USF3: variants seen among roughly 807,000 people sequenced by gnomAD.
USF3 encodes the protein basic helix-loop-helix domain-containing protein USF3.
USF3 carries 29 observed loss-of-function variants against 157.5 expected under a neutral mutation model. The ratio of observed to expected loss-of-function variants is 0.18; its 90% CI spans 0.14 to 0.25. USF3 has a LOEUF of 0.25. USF3 is among the 10% of genes least tolerant of loss of function. The pLI, the probability that USF3 is intolerant of heterozygous loss-of-function variation, is 1.00. For missense variants in USF3, 2,381 were observed against 2,667.6 expected, an observed-to-expected ratio of 0.89 and a Z score of 2.37; for synonymous variants, 893 against 941.4, an observed-to-expected ratio of 0.95 and a Z score of 0.94.
At chr3:113,670,366 A>AG in intron 4 of USF3, 163 bp from the exon 5 acceptor site, 1 of 596,592 alleles carries the variant, frequency 1.7e-6, no homozygotes. Context: ...TGGGAGGCCA[A>AG]GGCGGGTGGA....
intron 2 of USF3, among the ~76,000 whole-genome samples, chr3:113,675,268 G>A (rs1008705981): frequency 1.3e-5 from 2 of 152,102 alleles, no homozygotes; most frequent in African/African-American, 4.8e-5. Context: ...TTGTTCATGT[G>A]AAGTGTTATA....
At position 113,655,182 on chromosome 3, in the gene USF3, G is replaced by C. The variant is rs1410025426; in HGVS notation, c.6500C>G (p.Pro2167Arg). 1 of 1,614,194 alleles carries C rather than the reference G, an allele frequency of 6.2e-7. No individual in the cohort carries two copies. The highest frequency in any genetic ancestry group is 8.5e-7 in the Non-Finnish European group (1 of 1,180,038). Residue 2167 changes from proline to arginine, a missense_variant, in exon 7 of 7, where the codon CCA (proline) becomes CGA (arginine). Physicochemically the swap from Pro to Arg is moderately radical, Grantham distance 103. Around this residue, in one of 6 missense-constraint regions of USF3, gnomAD observed 770 missense variants for 824.2 expected, o/e 0.93. Coordinates refer to ENST00000316407, the MANE Select transcript of USF3 (RefSeq NM_001009899.4). ...CATATCTGGGAGAAGAGGAAAACTT[G>C]GTTGAGCAAACCCAACAGGTCTGGG... ...SPPRPVGFAQ[P>R]SFPLLPDMPP...
rs546435073 is a variant in USF3, at chr3:113,675,070, A to G, written c.-18-174T>C. The stretch of plus-strand genomic sequence containing the variant: ...AAGTATAAGAAAATAGCATAAAAGT[A>G]CTATAATTAGCAAATGTAGAAAATG... On this transcript the variant is annotated intron_variant, in intron 2 of 6. Coordinates refer to ENST00000316407, the MANE Select transcript of USF3 (RefSeq NM_001009899.4). 7.9e-5 allele frequency among the ~76,000 whole-genome samples: 12 copies of G among 152,376 alleles called. No individual in the cohort carries two copies. The South Asian group carries it at 2.5e-3, about 32-fold the overall frequency.
chr3:113,666,320 C>T (rs1210054273), intron 5 of USF3, among the ~76,000 whole-genome samples: 1 of 133,854 alleles, frequency 7.5e-6, no homozygotes, highest in Non-Finnish European at 1.5e-5. Flanking sequence ...GGCGCAATCT[C>T]GGCTCACTGC....
At chr3:113,668,300 G>C (rs1309779381) in intron 5 of USF3, among the ~76,000 whole-genome samples, 1 of 152,124 alleles carries the variant, frequency 6.6e-6, no homozygotes, top group East Asian at 1.9e-4. Context: ...CAGCGGGGTA[G>C]AGTAAAACTC....
chr3:113,675,336 C>A (rs1411866711), intron 2 of USF3, among the ~76,000 whole-genome samples: 2 of 152,116 alleles, frequency 1.3e-5, no homozygotes, highest in African/African-American at 4.8e-5. Context: ...ACAAATGTGA[C>A]AAGAGCACAA....
chr3:113,656,708 G>A lies in USF3; in HGVS notation c.4974C>T (p.His1658=), dbSNP rs370124820. The change falls in exon 7 of 7, where the codon CAC becomes CAT. Residue 1658 remains histidine, a synonymous_variant. Transcript: ENST00000316407. The part of the protein sequence containing the change: ...TRSSDMTCTP[H]RPERNRVSSY... Reference sequence around the variant, plus strand: ...TTGAAACTCTATTTCTCTCTGGCCTGTGTGGAGTACAGGTCATGTCTGAAG... The same window carrying A: ...TTGAAACTCTATTTCTCTCTGGCCTATGTGGAGTACAGGTCATGTCTGAAG... 5.0e-6 allele frequency: 8 copies of A among 1,614,146 alleles called. No homozygotes were observed. The highest frequency in any genetic ancestry group is 3.3e-5 in the South Asian group (3 of 91,088).
chr3:113,677,058 T>G (rs367722642), intron 2 of USF3, among the ~76,000 whole-genome samples: 14 of 152,132 alleles, frequency 9.2e-5, no homozygotes, highest in African/African-American at 1.9e-4. Context: ...TAAGTAGACA[T>G]GAATGCAGGA....
Position 113,657,849 on chromosome 3 carries a change from G to A in USF3, c.3833C>T (p.Ser1278Leu), listed in dbSNP as rs1398923581. The A allele has an allele frequency of 6.2e-7, 1 of 1,614,162 alleles. No homozygotes were observed. The highest frequency in any genetic ancestry group is 8.5e-7 in the Non-Finnish European group (1 of 1,180,024). Residue 1278 changes from serine to leucine, a missense_variant, in exon 7 of 7, where the codon TCA becomes TTA. Around this residue, in one of 6 missense-constraint regions of USF3, gnomAD observed 1,435 missense variants for 1,550.9 expected, o/e 0.93. Transcript: ENST00000316407. ...TVPATVNLTV[S>L]SSSYGSQPPG... is the part of the protein sequence containing the mutation. ...AGGTTGACTGCCATAGGAGCTAGAT[G>A]AAACGGTCAGATTAACCGTTGCAGG... is the stretch of plus-strand genomic sequence containing the variant.
chr3:113,666,195 T>TAAATATATA (rs1344483221), intron 5 of USF3, among the ~76,000 whole-genome samples: 3 of 144,664 alleles, frequency 2.1e-5, no homozygotes, highest in African/African-American at 7.5e-5. Flanking sequence ...AAAAAAATAA[T>TAAATATATA]AAATATATAT....
At chr3:113,665,924 C>A (rs911307006) in intron 5 of USF3, among the ~76,000 whole-genome samples, 5 of 152,114 alleles carry the variant, frequency 3.3e-5, no homozygotes, top group African/African-American at 1.2e-4. Context: ...GTGGCTCATG[C>A]CTGTAATCCC....
In USF3 at chr3:113,657,757, T is replaced by G. The variant is rs1360111961; in HGVS notation, c.3925A>C (p.Asn1309His). The change falls in exon 7 of 7, where the codon AAT becomes CAT. Residue 1309 changes from asparagine to histidine, a missense_variant. Transcript: ENST00000316407. ...AAGAGTGGCTCTTGAATCTGTGAAT[T>G]TGGTATGGTACTAGTCATAGTATTT... The part of the protein sequence containing the change: ...QLNTMTSTIP[N>H]SQIQEPLLKP... 2.5e-6 allele frequency: 4 copies of G among 1,614,086 alleles called. No individual in the cohort carries two copies. The highest frequency in any genetic ancestry group is 3.4e-6 in the Non-Finnish European group (4 of 1,179,998).
intron 1 of USF3, among the ~76,000 whole-genome samples, chr3:113,684,965 T>C (rs147450916): frequency 1.5e-4 from 23 of 152,298 alleles, no homozygotes; most frequent in African/African-American, 2.9e-4. Context: ...GTTTGTTTTG[T>C]CTGGCTTGTT....
rs1330457181 is a variant in USF3 at position 113,649,373 on chromosome 3, A to T, written c.*5571T>A. On this transcript the variant is annotated 3_prime_UTR_variant, in exon 7 of 7. Transcript: ENST00000316407. ...AACCCAAGTTGGCTCACGTTTATGA[A>T]GCATCTGACCACATACGCGTGCCAG... 6.5e-6 allele frequency: 1 copy of T among 154,720 alleles called. No homozygotes were observed. Among genetic ancestry groups the T allele is most frequent in the African/African-American group, 2.4e-5 (1 of 41,546 alleles). The allele number at this position is 154,720 out of a possible 1,614,324, so 9.6% of individuals were successfully genotyped here.
rs781576801 is a variant in USF3 at position 113,655,470 on chromosome 3, C to T, written c.6212G>A (p.Gly2071Asp). ...QNFGFSFIPE[G>D]GMNPPINANA... ...AGCATTTATTGGTGGATTCATGCCA[C>T]CCTCAGGAATAAAAGAAAAACCAAA... Residue 2071 changes from glycine (G) to aspartate (D), a missense_variant, in exon 7 of 7, where the codon GGT (glycine) becomes GAT (aspartate). By Grantham distance (94) the Gly-to-Asp change is moderately conservative. Around this residue, in one of 6 missense-constraint regions of USF3, gnomAD observed 770 missense variants for 824.2 expected, o/e 0.93. Coordinates refer to ENST00000316407, the MANE Select transcript of USF3 (RefSeq NM_001009899.4). 5.6e-6 allele frequency: 9 copies of T among 1,613,982 alleles called. 1 individual carries two copies. The South Asian group carries it at 8.8e-5, about 16-fold the overall frequency.
intron 5 of USF3, among the ~76,000 whole-genome samples, chr3:113,669,463 T>G (rs1707098619): frequency 1.3e-5 from 2 of 152,190 alleles, no homozygotes; most frequent in South Asian, 4.1e-4. Context: ...TTGCATATAT[T>G]CATTTAATTA....
chr3:113,660,878 ATGT>A lies in USF3; in HGVS notation c.801_803del (p.Gln267del), dbSNP rs758541094. 5.0e-6 allele frequency: 8 copies of A among 1,614,054 alleles called. No individual in the cohort carries two copies. The African/African-American group carries it at 9.3e-5, about 19-fold the overall frequency. ...CATTTAGGCATGTGTGCAAAGAATG[ATGT>A]TGGTGAGGCTCAGATTCAATTGAAA... On this transcript the variant is annotated inframe_deletion, in exon 7 of 7. Coordinates refer to ENST00000316407, the MANE Select transcript of USF3 (RefSeq NM_001009899.4).
chr3:113,657,267 TGCTGCTGCTGCTGC>T lies in USF3; in HGVS notation c.4401_4414del (p.Gln1468AlafsTer36), dbSNP rs1559706322. On this transcript the variant is annotated frameshift_variant, in exon 7 of 7. Coordinates refer to ENST00000316407, the MANE Select transcript of USF3 (RefSeq NM_001009899.4). LOFTEE classifies it high-confidence loss of function. The stretch of plus-strand genomic sequence containing the variant: ...CCCTGCTTGTTGTTGTTGCTGTTGC[TGCTGCTGCTGCTGC>T]TGCTGCTGCTGCTGCTGCTTTATGT... 5.8e-6 allele frequency: 2 copies of T among 345,696 alleles called. No individual in the cohort carries two copies. The highest frequency in any genetic ancestry group is 2.0e-4 in the African/African-American group (2 of 10,110). The allele number at this position is 345,696 out of a possible 1,614,324, so 21.4% of individuals were successfully genotyped here.
At position 113,649,921 on chromosome 3, in the gene USF3, G is replaced by A. The variant is rs1218142785; in HGVS notation, c.*5023C>T. On this transcript the variant is annotated 3_prime_UTR_variant, in exon 7 of 7. Transcript: ENST00000316407. The stretch of plus-strand genomic sequence containing the variant: ...AAAAGGCCCTTTTCTTTCAAACCCT[G>A]GGGAAAGAAAAATGGTAATGTTCAG... 1 of 693,148 alleles carries A rather than the reference G, an allele frequency of 1.4e-6. No homozygotes were observed. The highest frequency in any genetic ancestry group is 2.1e-5 in the Admixed American group (1 of 47,718). The allele number at this position is 693,148 out of a possible 1,614,324, so 42.9% of individuals were successfully genotyped here.
Sources: allele counts gnomAD v4.1 joint callset (sites outside exome capture counted in the v4.1 genomes callset), GRCh38; gene constraint gnomAD v4.1.1; regional missense constraint gnomAD v4.1.1; transcripts MANE v1.5; gene names NCBI Gene and HGNC (gene_info 2026-07-23, HGNC 2026-07-21).